OLFML2B: variants seen among roughly 807,000 people sequenced by gnomAD.
OLFML2B encodes the protein olfactomedin like 2B.
A neutral mutation model predicts 74.9 loss-of-function variants in OLFML2B; 57 were observed. That is an observed-to-expected ratio of 0.76 (90% CI 0.61 to 0.95). The LOEUF (loss-of-function observed/expected upper bound fraction) is 0.95, where lower values mean the gene tolerates loss of function less well. Among genes scored for constraint, OLFML2B ranks in the 40% least tolerant of loss-of-function variants. The probability of loss-of-function intolerance (pLI) is 0.00; values close to 1 mark genes in which losing one functional copy is unlikely to be tolerated. For missense variants in OLFML2B, 986 were observed against 970.6 expected, an observed-to-expected ratio of 1.02 and a Z score of -0.21; for synonymous variants, 388 against 405.8, an observed-to-expected ratio of 0.96 and a Z score of 0.53.
chr1:161,998,842 A>C (rs572973255), intron 5 of OLFML2B, among the ~76,000 whole-genome samples: 2 of 152,340 alleles, frequency 1.3e-5, no homozygotes, highest in East Asian at 3.9e-4. Flanking sequence ...AAGGGAAGGG[A>C]AACTTGCAGA....
At chr1:162,022,707 C>T (rs1283053638) in intron 1 of OLFML2B, among the ~76,000 whole-genome samples, 1 of 152,160 alleles carries the variant, frequency 6.6e-6, no homozygotes, top group East Asian at 1.9e-4. Context: ...TCTGCCCTAG[C>T]TGCCTGCATC....
In OLFML2B at chr1:162,012,036, A is replaced by T. The variant is rs1690404687; in HGVS notation, c.546+5364T>A. Among the ~76,000 whole-genome samples the T allele has an allele frequency of 1.3e-5, 2 of 152,228 alleles. 1 individual carries two copies. The highest frequency in any genetic ancestry group is 4.1e-4 in the South Asian group (2 of 4,832). On this transcript the variant is annotated intron_variant, in intron 3 of 7. Coordinates refer to ENST00000294794, the MANE Select transcript of OLFML2B (RefSeq NM_015441.3). ...CATATTAAGATGTAAATTGAATTAA[A>T]TAGTGTTAGGCTGAAATATATTTTA...
intron 6 of OLFML2B, among the ~76,000 whole-genome samples, chr1:161,994,740 A>G (rs1689840971): frequency 6.6e-6 from 1 of 152,030 alleles, no homozygotes; most frequent in South Asian, 2.1e-4. Flanking sequence ...CTACGGCCAA[A>G]TGTTTCGTTT....
chr1:161,995,332 C>A (rs991721442), intron 6 of OLFML2B, among the ~76,000 whole-genome samples: 10 of 152,216 alleles, frequency 6.6e-5, no homozygotes, highest in Non-Finnish European at 1.2e-4. Context: ...GAGGTGAGAA[C>A]CCCAGCTCCT....
At chr1:161,999,601 G>A (rs1374091947) in intron 5 of OLFML2B, among the ~76,000 whole-genome samples, 1 of 152,112 alleles carries the variant, frequency 6.6e-6, no homozygotes, top group Non-Finnish European at 1.5e-5. Context: ...GGAGGAGGAG[G>A]CGAGGAGGAG....
At chr1:162,020,880 G>GT (rs1280165690) in intron 1 of OLFML2B, among the ~76,000 whole-genome samples, 1 of 152,240 alleles carries the variant, frequency 6.6e-6, no homozygotes, top group African/African-American at 2.4e-5. Flanking sequence ...TGGTATTCAA[G>GT]TTTGAAGACT....
At chr1:162,021,983 C>G (rs1690714668) in intron 1 of OLFML2B, among the ~76,000 whole-genome samples, 1 of 152,042 alleles carries the variant, frequency 6.6e-6, no homozygotes, top group Non-Finnish European at 1.5e-5. Context: ...TTTGATAAAT[C>G]CCAAAGTGCA....
At chr1:161,992,973 T>C (rs1416275954) in intron 6 of OLFML2B, among the ~76,000 whole-genome samples, 1 of 146,448 alleles carries the variant, frequency 6.8e-6, no homozygotes, top group African/African-American at 2.5e-5. Context: ...TGTAAAAAAA[T>C]GCACTCTCTG....
intron 6 of OLFML2B, among the ~76,000 whole-genome samples, chr1:161,995,868 C>T (rs149151168): frequency 1.6e-3 from 250 of 152,158 alleles, no homozygotes; most frequent in African/African-American, 5.8e-3. Context: ...GTATGGGGGC[C>T]CAGGGAAGTT....
In OLFML2B at chr1:162,017,521, C is replaced by A; in HGVS notation, c.439-14G>T. Reference sequence around the variant, plus strand: ...GATTGTGGAGAGCTATGAAACAAGGCAAGGGGTTAGTCCAGGGCTGGGGCA... The same window carrying A: ...GATTGTGGAGAGCTATGAAACAAGGAAAGGGGTTAGTCCAGGGCTGGGGCA... On this transcript the variant is annotated splice_polypyrimidine_tract_variant and intron_variant, in intron 2 of 7. Coordinates refer to ENST00000294794, the MANE Select transcript of OLFML2B (RefSeq NM_015441.3). The A allele has an allele frequency of 6.3e-7, 1 of 1,599,790 alleles. No homozygotes were observed. The highest frequency in any genetic ancestry group is 8.5e-7 in the Non-Finnish European group (1 of 1,170,332).
intron 6 of OLFML2B, 91 bp from the exon 7 acceptor site, chr1:161,985,071 C>T (rs1689553909): frequency 7.3e-7 from 1 of 1,373,254 alleles, no homozygotes; most frequent in African/African-American, 1.5e-5. Flanking sequence ...AGAGTCTGGA[C>T]TCCTCGGCAG....
chr1:161,990,873 T>C (rs1211987985), intron 6 of OLFML2B, among the ~76,000 whole-genome samples: 1 of 152,224 alleles, frequency 6.6e-6, no homozygotes, highest in African/African-American at 2.4e-5. Context: ...TTCAAAATCC[T>C]TTGTTGCCAT....
intron 2 of OLFML2B, among the ~76,000 whole-genome samples, chr1:162,018,943 A>G (rs1690623215): frequency 6.6e-6 from 1 of 152,228 alleles, no homozygotes; most frequent in South Asian, 2.1e-4. Context: ...TTTGCCTTAT[A>G]GTGTTCCAGA....
At chr1:162,018,186 G>C (rs1238058718) in intron 2 of OLFML2B, among the ~76,000 whole-genome samples, 2 of 152,114 alleles carry the variant, frequency 1.3e-5, no homozygotes, top group Non-Finnish European at 2.9e-5. Context: ...TTAGGTACTA[G>C]GCTTAGTAGC....
intron 6 of OLFML2B, among the ~76,000 whole-genome samples, chr1:161,990,707 G>A (rs915723085): frequency 2.6e-5 from 4 of 152,112 alleles, no homozygotes; most frequent in Non-Finnish European, 5.9e-5. Flanking sequence ...CAACAATGAA[G>A]TTTGCTGCAT....
intron 6 of OLFML2B, among the ~76,000 whole-genome samples, chr1:161,995,073 C>T (rs1299787162): frequency 1.3e-5 from 2 of 152,180 alleles, no homozygotes; most frequent in African/African-American, 4.8e-5. Flanking sequence ...CTTGGCCAGA[C>T]ACAGGCAAGT....
At chr1:162,021,164 G>A (rs1690694338) in intron 1 of OLFML2B, among the ~76,000 whole-genome samples, 3 of 152,212 alleles carry the variant, frequency 2.0e-5, no homozygotes, top group Admixed American at 2.0e-4. Context: ...CTTGAAGGAT[G>A]GGTTAGATGT....
At chr1:162,013,667 G>C (rs183208445) in intron 3 of OLFML2B, among the ~76,000 whole-genome samples, 1 of 152,184 alleles carries the variant, frequency 6.6e-6, no homozygotes, top group East Asian at 1.9e-4. Flanking sequence ...ACATGCACCA[G>C]GGTACATGCA....
chr1:161,983,745 G>A lies in OLFML2B; in HGVS notation c.2183C>T (p.Pro728Leu). Reference protein sequence around the residue: ...YSYTTQIDYNPKDRLLYAWDN... With the variant: ...YSYTTQIDYNLKDRLLYAWDN... ...CCAGGCATAGAGCAGGCGGTCCTTG[G>A]GGTTGTAGTCTATCTGGGTCGTATA... is the stretch of plus-strand genomic sequence containing the variant. Residue 728 changes from proline to leucine, a missense_variant, in exon 8 of 8, where the codon CCC (proline) becomes CTC (leucine). Coordinates refer to ENST00000294794, the MANE Select transcript of OLFML2B (RefSeq NM_015441.3). 1.9e-6 allele frequency: 3 copies of A among 1,613,948 alleles called. No individual in the cohort carries two copies. Among genetic ancestry groups the A allele is most frequent in the Non-Finnish European group, 1.7e-6 (2 of 1,179,982 alleles).
Sources: allele counts gnomAD v4.1 joint callset (sites outside exome capture counted in the v4.1 genomes callset), GRCh38; gene constraint gnomAD v4.1.1; transcripts MANE v1.5; gene names NCBI Gene and HGNC (gene_info 2026-07-23, HGNC 2026-07-21).